LMF1: variants seen among roughly 807,000 people sequenced by gnomAD.
LMF1 encodes transmembrane protein 112.
LMF1 carries 68 observed loss-of-function variants against 60.6 expected under a neutral mutation model. The ratio of observed to expected loss-of-function variants is 1.12; its 90% CI spans 0.92 to 1.37. The LOEUF (loss-of-function observed/expected upper bound fraction) is 1.37. Ranked by LOEUF, LMF1 falls within the 40% of genes most tolerant of loss-of-function variation. The pLI, the probability that LMF1 is intolerant of heterozygous loss-of-function variation, is 0.00. For missense variants in LMF1, 948 were observed against 767.2 expected (o/e 1.24, Z -2.78); for synonymous variants, 418 against 324.7 (o/e 1.29, Z -3.09).
Position 868,986 on chromosome 16 carries a change from G to A in LMF1, c.1487C>T (p.Ser496Phe). The change falls in exon 10 of 11, where the codon TCC (serine) becomes TTC (phenylalanine). Residue 496 changes from serine to phenylalanine, a missense_variant. By Grantham distance (155) the Ser-to-Phe change is radical. Coordinates refer to ENST00000262301, the MANE Select transcript of LMF1 (RefSeq NM_022773.4). ...CGCGAAGGGGTTGTGTGCCAGCAGG[G>A]ACAAGGCCTCGGCGTCGCTGGCCAG... The part of the protein sequence containing the change: ...KLLASDAEAL[S>F]LLAHNPFAGR... 1 of 1,612,480 alleles carries A rather than the reference G, an allele frequency of 6.2e-7. No individual in the cohort carries two copies. The highest frequency in any genetic ancestry group is 1.7e-5 in the Admixed American group (1 of 60,022).
intron 3 of LMF1, among the ~76,000 whole-genome samples, chr16:921,539 G>A (rs1440575703): frequency 6.6e-6 from 1 of 152,248 alleles, no homozygotes; most frequent in Non-Finnish European, 1.5e-5. Flanking sequence ...CAAGACAGCT[G>A]TATCTCTGTA....
Position 954,631 on chromosome 16 carries a change from G to C in LMF1, c.229C>G (p.Gln77Glu). 3 of 1,605,276 alleles carry C rather than the reference G, an allele frequency of 1.9e-6. No individual in the cohort carries two copies. The highest frequency in any genetic ancestry group is 1.7e-4 in the Middle Eastern group (1 of 6,020). Reference protein sequence around the residue: ...AFLVAFHQNKQLIGDRGLLPC... With the variant: ...AFLVAFHQNKELIGDRGLLPC... ...AGCAGCCCCCTGTCACCGATGAGCTGCTTGTTCTGATGGAAAGCCACCAGG... is the reference window on the plus strand; with the variant it reads ...AGCAGCCCCCTGTCACCGATGAGCTCCTTGTTCTGATGGAAAGCCACCAGG... Residue 77 changes from glutamine to glutamate, a missense_variant, in exon 2 of 11, where the codon CAG becomes GAG. Physicochemically the swap from Gln to Glu is conservative, Grantham distance 29. Transcript: ENST00000262301.
intron 3 of LMF1, among the ~76,000 whole-genome samples, chr16:922,576 T>TGTGTGAAA (rs1434080581): frequency 6.7e-6 from 1 of 149,718 alleles, no homozygotes. Context: ...GCGAAGGCCC[T>TGTGTGAAA]GTCTGAAAGT....
At chr16:946,362 T>C (rs553949951) in intron 2 of LMF1, among the ~76,000 whole-genome samples, 8 of 152,176 alleles carry the variant, frequency 5.3e-5, no homozygotes, top group Admixed American at 3.3e-4. Flanking sequence ...AACTCTGCCA[T>C]TACAGCTCCA....
chr16:924,027 T>C (rs1034132002), intron 3 of LMF1, among the ~76,000 whole-genome samples: 3 of 152,170 alleles, frequency 2.0e-5, no homozygotes, highest in African/African-American at 7.2e-5. Context: ...TGAAGAGTTA[T>C]TAGAAAAAAA....
chr16:895,272 C>T (rs1417631308), intron 4 of LMF1, among the ~76,000 whole-genome samples: 1 of 152,290 alleles, frequency 6.6e-6, no homozygotes, highest in South Asian at 2.1e-4. Context: ...CCTGCCTGGT[C>T]GGGTCAGCCT....
At chr16:981,341 AGAGAGAGTGTGT>A (rs1410509167), upstream of LMF1, 2,522 of 274,512 alleles carry the variant, frequency 9.2e-3, 17 homozygotes, top group African/African-American at 0.021. Context: ...AGAGAGAGAG[AGAGAGAGTGTGT>A]GTGTGTGTGT....
chr16:976,745 T>G (rs1345967016), intron 1 of LMF1: 1 of 453,988 alleles, frequency 2.2e-6, no homozygotes, highest in Non-Finnish European at 4.4e-6. Context: ...GGAGCACAGC[T>G]GTTCCCGACA....
chr16:929,530 G>A (rs1183006061), intron 3 of LMF1, among the ~76,000 whole-genome samples: 2 of 152,230 alleles, frequency 1.3e-5, no homozygotes, highest in Non-Finnish European at 2.9e-5. Context: ...TCGGGTTCCC[G>A]CATCCTTTCC....
chr16:911,032 ACAGGAAGATCCC>A lies in LMF1; in HGVS notation c.550_561del (p.Gly184_Leu187del). ...AGCCTTGACAGCGTCCACAGAGGGC[ACAGGAAGATCCC>A]CAGGAACCCCGTCTCCAGAAGCTGG... On this transcript the variant is annotated inframe_deletion, in exon 4 of 11. Coordinates refer to ENST00000262301, the MANE Select transcript of LMF1 (RefSeq NM_022773.4). 6.2e-7 allele frequency: 1 copy of A among 1,613,128 alleles called. No homozygotes were observed.
At chr16:898,111 G>C (rs1331513146) in intron 4 of LMF1, among the ~76,000 whole-genome samples, 1 of 152,228 alleles carries the variant, frequency 6.6e-6, no homozygotes, top group Non-Finnish European at 1.5e-5. Flanking sequence ...CCTGATGAAG[G>C]GGACCCAGGT....
intron 2 of LMF1, among the ~76,000 whole-genome samples, chr16:939,071 A>G (rs1361446333): frequency 2.0e-5 from 3 of 152,224 alleles, no homozygotes; most frequent in Non-Finnish European, 2.9e-5. Flanking sequence ...AACAAAGAAC[A>G]TTCACACCAA....
In LMF1 at chr16:870,928, G is replaced by A. The variant is rs369036969; in HGVS notation, c.1079-46C>T. 178 of 1,553,378 alleles carry A rather than the reference G, an allele frequency of 1.1e-4. No homozygotes were observed. The East Asian group carries it at 2.1e-3, about 19-fold the overall frequency. ...TCCAGGTGGGGCTCCCAGCTGCCCC[G>A]TGGCCTGTCCCTGGGGAGACCCCAG... On this transcript the variant is annotated intron_variant, in intron 7 of 10. Transcript: ENST00000262301.
At chr16:863,748 C>T (rs931679654) in intron 10 of LMF1, among the ~76,000 whole-genome samples, 3 of 152,084 alleles carry the variant, frequency 2.0e-5, no homozygotes, top group African/African-American at 7.2e-5. Context: ...GTCCTCCCAC[C>T]TCAGCCTCCT....
intron 6 of LMF1, chr16:872,872 T>C (rs34014491): frequency 0.16 from 23,833 of 152,326 alleles, 4,216 homozygotes; most frequent in African/African-American, 0.44. Flanking sequence ...TGCTCGGCCA[T>C]GCCAGAACCA....
upstream of LMF1, among the ~76,000 whole-genome samples, chr16:974,364 C>CA (rs2073096312): frequency 6.6e-6 from 1 of 152,014 alleles, no homozygotes; most frequent in Non-Finnish European, 1.5e-5. Context: ...CAACCCGAGG[C>CA]GGGAGGAGGA....
chr16:945,128 T>G (rs2072205114), intron 2 of LMF1, among the ~76,000 whole-genome samples: 1 of 146,170 alleles, frequency 6.8e-6, no homozygotes, highest in South Asian at 2.1e-4. Context: ...GGAGAATCGC[T>G]TCAACCCAGG....
At chr16:971,511 G>A (rs1287321819), upstream of LMF1, among the ~76,000 whole-genome samples, 1 of 152,218 alleles carries the variant, frequency 6.6e-6, no homozygotes, top group African/African-American at 2.4e-5. Flanking sequence ...ATGCTCGGGG[G>A]ACCCTCCCCT....
chr16:980,273 G>A (rs12447017), intron 1 of LMF1: 9,251 of 158,396 alleles, frequency 0.058, 288 homozygotes, highest in Non-Finnish European at 0.065. Flanking sequence ...CAAGGGCCCC[G>A]GGGTCTGCGG....
Sources: allele counts gnomAD v4.1 joint callset (sites outside exome capture counted in the v4.1 genomes callset), GRCh38; gene constraint gnomAD v4.1.1; transcripts MANE v1.5; gene names NCBI Gene and HGNC (gene_info 2026-07-23, HGNC 2026-07-21).